Variants in CA10 observed in about 807,000 individuals in gnomAD.
CA10 encodes the protein carbonic anhydrase 10 (inactive), also known as carbonic anhydrase-related protein 10.
Under a neutral mutation model 44.2 loss-of-function variants are expected in CA10, and 14 were observed. The observed-to-expected ratio is 0.32, with a 90% CI of 0.21 to 0.50. The LOEUF (loss-of-function observed/expected upper bound fraction) is 0.50, where lower values mean the gene tolerates loss of function less well. CA10 is among the 20% of genes least tolerant of loss of function. The pLI is 0.99. For synonymous variants in CA10, 159 were observed against 141.6 expected (o/e 1.12, Z -0.87); for missense variants, 350 against 409.7 (o/e 0.85, Z 1.26).
intron 3 of CA10, among the ~76,000 whole-genome samples, chr17:51,842,407 C>G (rs1338787499): frequency 1.3e-5 from 2 of 152,088 alleles, no homozygotes; most frequent in African/African-American, 4.8e-5. Context: ...TGCCTGTGAG[C>G]AACAGCTGCA....
chr17:51,826,828 A>C (rs187333440), intron 3 of CA10, among the ~76,000 whole-genome samples: 1 of 152,304 alleles, frequency 6.6e-6, no homozygotes, highest in South Asian at 2.1e-4. Flanking sequence ...AACTGAGGTC[A>C]CTGCTGCCCT....
chr17:52,016,521 G>A (rs1985972896), intron 2 of CA10, among the ~76,000 whole-genome samples: 1 of 152,128 alleles, frequency 6.6e-6, no homozygotes, highest in Admixed American at 6.6e-5. Flanking sequence ...AGTGGGAGGT[G>A]TTTGAGTCAT....
intron 2 of CA10, among the ~76,000 whole-genome samples, chr17:51,967,936 C>T (rs1984141911): frequency 6.6e-6 from 1 of 151,744 alleles, no homozygotes; most frequent in Admixed American, 6.6e-5. Flanking sequence ...GATGAGATAT[C>T]ATTCCTGTGT....
chr17:52,008,238 C>A (rs1436759496), intron 2 of CA10, among the ~76,000 whole-genome samples: 1 of 151,620 alleles, frequency 6.6e-6, no homozygotes, highest in Non-Finnish European at 1.5e-5. Context: ...AAAACTATTA[C>A]AAAGAAAGTC....
At chr17:51,982,216 T>C (rs1984675925) in intron 2 of CA10, among the ~76,000 whole-genome samples, 1 of 152,008 alleles carries the variant, frequency 6.6e-6, no homozygotes, top group Admixed American at 6.6e-5. Context: ...GTGTTTTTCC[T>C]GGTATTTAAC....
At chr17:51,777,634 G>A (rs1343940128) in intron 3 of CA10, among the ~76,000 whole-genome samples, 2 of 152,132 alleles carry the variant, frequency 1.3e-5, no homozygotes, top group African/African-American at 2.4e-5. Context: ...ATGAAACAAT[G>A]GCCAAATTGC....
intron 2 of CA10, among the ~76,000 whole-genome samples, chr17:51,985,184 A>C (rs1281711816): frequency 1.3e-5 from 2 of 152,038 alleles, no homozygotes; most frequent in East Asian, 3.9e-4. Context: ...AGTGGGTTTC[A>C]TACCAGGGAT....
intron 4 of CA10, among the ~76,000 whole-genome samples, chr17:51,737,870 G>A (rs1036586512): frequency 3.3e-5 from 5 of 152,138 alleles, no homozygotes; most frequent in Non-Finnish European, 7.3e-5. Context: ...CCCTTTTACT[G>A]CAGAGATGGG....
chr17:52,043,463 G>A (rs116805307), intron 2 of CA10, among the ~76,000 whole-genome samples: 1 of 151,804 alleles, frequency 6.6e-6, no homozygotes, highest in Non-Finnish European at 1.5e-5. Flanking sequence ...CAGTTTCTTG[G>A]TGGAGTTTTA....
At chr17:51,778,996 T>C (rs1905936482) in intron 3 of CA10, among the ~76,000 whole-genome samples, 1 of 152,136 alleles carries the variant, frequency 6.6e-6, no homozygotes, top group South Asian at 2.1e-4. Flanking sequence ...CCATTTTATC[T>C]ACAGCAAGAT....
intron 3 of CA10, among the ~76,000 whole-genome samples, chr17:51,749,817 G>C (rs1313743953): frequency 6.6e-6 from 1 of 152,220 alleles, no homozygotes; most frequent in Non-Finnish European, 1.5e-5. Flanking sequence ...ACACACTGGG[G>C]AACGGGGGAG....
chr17:52,035,401 G>A (rs1317633681), intron 2 of CA10, among the ~76,000 whole-genome samples: 1 of 152,070 alleles, frequency 6.6e-6, no homozygotes, highest in African/African-American at 2.4e-5. Flanking sequence ...CACTTTCATT[G>A]GCAATAAAAT....
chr17:51,831,687 G>GCAGCAGCAGCAGCAGCAT (rs1908261723), intron 3 of CA10, among the ~76,000 whole-genome samples: 1 of 78,550 alleles, frequency 1.3e-5, no homozygotes, highest in African/African-American at 4.0e-5. Context: ...AGCAGCAGCA[G>GCAGCAGCAGCAGCAGCAT]CAGCAGCAGC....
chr17:51,992,027 T>A (rs1330413144), intron 2 of CA10, among the ~76,000 whole-genome samples: 2 of 152,000 alleles, frequency 1.3e-5, no homozygotes, highest in African/African-American at 4.8e-5. Context: ...AAAACATCCG[T>A]GATTTACTCT....
At chr17:52,006,526 T>C (rs1007601206) in intron 2 of CA10, among the ~76,000 whole-genome samples, 6 of 151,822 alleles carry the variant, frequency 4.0e-5, no homozygotes, top group Non-Finnish European at 5.9e-5. Flanking sequence ...TTTTTTTCCC[T>C]CTTTCCCTAG....
chr17:51,787,277 C>A (rs1906326189), intron 3 of CA10, among the ~76,000 whole-genome samples: 1 of 152,142 alleles, frequency 6.6e-6, no homozygotes, highest in Non-Finnish European at 1.5e-5. Context: ...CAGGCTTTTA[C>A]TGGGAGACTT....
intron 2 of CA10, among the ~76,000 whole-genome samples, chr17:52,023,743 C>G (rs1986212677): frequency 6.6e-6 from 1 of 150,950 alleles, no homozygotes. Context: ...GGCCTACTAT[C>G]CAGAATGTAG....
intron 4 of CA10, among the ~76,000 whole-genome samples, chr17:51,664,783 A>C (rs1314955888): frequency 3.3e-5 from 5 of 152,152 alleles, no homozygotes; most frequent in Non-Finnish European, 5.9e-5. Flanking sequence ...CCACAATGCG[A>C]AGTTTTATCC....
intron 2 of CA10, among the ~76,000 whole-genome samples, chr17:52,049,188 G>A (rs1262280277): frequency 1.3e-5 from 2 of 152,058 alleles, no homozygotes; most frequent in Admixed American, 6.6e-5. Flanking sequence ...ACTTATGATT[G>A]CGAGAGTCTC....
Sources: gnomAD v4.1 joint callset for allele counts (sites outside exome capture counted in the v4.1 genomes callset) on GRCh38, gnomAD v4.1.1 for gene constraint, MANE v1.5 for transcripts, NCBI Gene and HGNC (gene_info 2026-07-23, HGNC 2026-07-21) for gene names.